KCNN2: variants seen among roughly 807,000 people sequenced by gnomAD.
The protein encoded by KCNN2 is potassium calcium-activated channel subfamily N member 2, also known as small conductance calcium-activated potassium channel protein 2.
In KCNN2, 24 loss-of-function variants were observed where a neutral mutation model predicts 55.5. That is an observed-to-expected ratio of 0.43 (90% CI 0.31 to 0.61). KCNN2 has a LOEUF of 0.61. Among genes scored for constraint, KCNN2 ranks in the 20% least tolerant of loss-of-function variants. The pLI is 0.08. For synonymous variants in KCNN2, 431 were observed against 336.1 expected (o/e 1.28, Z -3.09); for missense variants, 754 against 853.6 (o/e 0.88, Z 1.45).
Position 114,362,856 on chromosome 5 carries a change from G to A in KCNN2, c.717G>A (p.Met239Ile). The A allele has an allele frequency of 6.3e-7, 1 of 1,599,994 alleles. No individual in the cohort carries two copies. Among genetic ancestry groups the A allele is most frequent in the Non-Finnish European group, 8.5e-7 (1 of 1,178,882 alleles). ...LSASRRNLHE[M>I]DSEAQPLQPP... ...CGTCCCGCCGGAACCTGCACGAGAT[G>A]GACTCAGAGGCGCAGCCCCTGCAGC... Residue 239 changes from methionine (M) to isoleucine (I), a missense_variant, in exon 1 of 8, where the codon ATG becomes ATA. Coordinates refer to ENST00000673685, the MANE Select transcript of KCNN2 (RefSeq NM_021614.4).
intron 3 of KCNN2, among the ~76,000 whole-genome samples, chr5:114,413,156 A>G (rs1759187710): frequency 6.6e-6 from 1 of 152,268 alleles, no homozygotes; most frequent in South Asian, 2.1e-4. Context: ...CATCAATGCT[A>G]AGTATAATGT....
intron 1 of KCNN2, among the ~76,000 whole-genome samples, chr5:114,153,340 T>A (rs1018716452): frequency 3.9e-5 from 6 of 152,162 alleles, no homozygotes; most frequent in Non-Finnish European, 8.8e-5. Context: ...CTCCATGGAA[T>A]AATCAACATA....
chr5:114,111,056 C>A (rs115348218), intron 1 of KCNN2, among the ~76,000 whole-genome samples: 7,002 of 152,042 alleles, frequency 0.046, 532 homozygotes, highest in African/African-American at 0.16. Flanking sequence ...ATCTGGAAGC[C>A]TCGTGCTACC....
intron 2 of KCNN2, among the ~76,000 whole-genome samples, chr5:114,345,551 T>C (rs917135074): frequency 1.4e-4 from 22 of 152,100 alleles, no homozygotes; most frequent in African/African-American, 5.3e-4. Context: ...GCTAGCTGCA[T>C]TACAGATAAG....
At chr5:114,492,696 G>T (rs1747918892) in intron 6 of KCNN2, among the ~76,000 whole-genome samples, 2 of 151,980 alleles carry the variant, frequency 1.3e-5, no homozygotes. Context: ...TACAAGTAGA[G>T]ATTCCATCTG....
intron 1 of KCNN2, among the ~76,000 whole-genome samples, chr5:114,103,037 A>C (rs1234054941): frequency 3.3e-5 from 5 of 152,202 alleles, no homozygotes; most frequent in Non-Finnish European, 7.4e-5. Flanking sequence ...CAGTATGGCC[A>C]TTTTCACGAT....
chr5:114,315,832 T>C (rs1756490109), intron 2 of KCNN2, among the ~76,000 whole-genome samples: 1 of 152,140 alleles, frequency 6.6e-6, no homozygotes, highest in African/African-American at 2.4e-5. Context: ...GGGTCCTTGA[T>C]AGAGAAGCCT....
chr5:114,485,045 G>C (rs190130834), intron 5 of KCNN2, among the ~76,000 whole-genome samples: 1 of 152,178 alleles, frequency 6.6e-6, no homozygotes, highest in Non-Finnish European at 1.5e-5. Context: ...CATTTAAAAT[G>C]CATCGGTCAC....
chr5:114,295,986 G>T (rs758540938), intron 2 of KCNN2, among the ~76,000 whole-genome samples: 8 of 152,180 alleles, frequency 5.3e-5, no homozygotes, highest in Non-Finnish European at 1.0e-4. Context: ...GCTGGTAATA[G>T]TCATAAGTAC....
chr5:114,233,715 A>C (rs1374988810), intron 2 of KCNN2, among the ~76,000 whole-genome samples: 4 of 152,214 alleles, frequency 2.6e-5, no homozygotes. Context: ...TTAATCAATT[A>C]AGATTAACCA....
rs564318660 is a variant in KCNN2, at chr5:114,115,936, C to T, written c.-271+59436C>T. Among the ~76,000 whole-genome samples, 7 of 152,198 alleles carry T rather than the reference C, an allele frequency of 4.6e-5. No homozygotes were observed. The East Asian group carries it at 1.2e-3, about 25-fold the overall frequency. ...TTTTGGAATCAGGATGCAAAGACAG[C>T]TGGCATACATGTAGATGAGAATGGG... On this transcript the variant is annotated intron_variant, in intron 1 of 10. Transcript: ENST00000512097.
chr5:114,396,138 A>G (rs1758606361), intron 2 of KCNN2, among the ~76,000 whole-genome samples: 1 of 147,400 alleles, frequency 6.8e-6, no homozygotes, highest in East Asian at 2.3e-4. Flanking sequence ...TAGAAACACA[A>G]TAGCCATGTT....
intron 1 of KCNN2, among the ~76,000 whole-genome samples, chr5:114,069,409 G>A (rs1320997370): frequency 6.6e-6 from 1 of 152,120 alleles, no homozygotes; most frequent in Non-Finnish European, 1.5e-5. Flanking sequence ...AAAGGCACTT[G>A]TGCCAGCAAC....
chr5:114,234,120 A>G (rs1214993973), intron 2 of KCNN2, among the ~76,000 whole-genome samples: 1 of 151,942 alleles, frequency 6.6e-6, no homozygotes, highest in Non-Finnish European at 1.5e-5. Context: ...TTTCATAGCA[A>G]CCATATTGTT....
At chr5:114,079,426 A>G (rs1222645760) in intron 1 of KCNN2, among the ~76,000 whole-genome samples, 2 of 152,206 alleles carry the variant, frequency 1.3e-5, no homozygotes, top group East Asian at 3.9e-4. Flanking sequence ...TTCTTAATTA[A>G]GCAACATAGC....
chr5:114,190,804 G>A (rs77377759), intron 1 of KCNN2, among the ~76,000 whole-genome samples: 59 of 152,226 alleles, frequency 3.9e-4, no homozygotes, highest in Admixed American at 9.8e-4. Flanking sequence ...CATTTGTACC[G>A]AAGACCAAGA....
chr5:114,229,198 A>G (rs1196507004), intron 2 of KCNN2, among the ~76,000 whole-genome samples: 3 of 151,820 alleles, frequency 2.0e-5, no homozygotes, highest in African/African-American at 7.2e-5. Flanking sequence ...GTCATATGAT[A>G]ATGATTTCTT....
chr5:114,362,423 C>A lies in KCNN2; in HGVS notation c.284C>A (p.Pro95His). 2.9e-6 allele frequency: 1 copy of A among 346,746 alleles called. No individual in the cohort carries two copies. The highest frequency in any genetic ancestry group is 5.6e-5 in the South Asian group (1 of 18,016). The allele number at this position is 346,746 out of a possible 1,614,324, so 21.5% of individuals were successfully genotyped here. The change falls in exon 1 of 8, where the codon CCC becomes CAC. Residue 95 changes from proline to histidine, a missense_variant. Physicochemically the swap from Pro to His is moderately conservative, Grantham distance 77. Around this residue, in one of 4 missense-constraint regions of KCNN2, gnomAD observed 381 missense variants for 259.1 expected, o/e 1.47. Coordinates refer to ENST00000673685, the MANE Select transcript of KCNN2 (RefSeq NM_021614.4). ...TCCCTGCTGCTCCGCACCTCCTCGCCCGGCGGCGCCTTCCGGACCCGCACC... is the reference window on the plus strand; with the variant it reads ...TCCCTGCTGCTCCGCACCTCCTCGCACGGCGGCGCCTTCCGGACCCGCACC... ...NLSLLLRTSS[P>H]GGAFRTRTSS...
intron 1 of KCNN2, among the ~76,000 whole-genome samples, chr5:114,078,371 T>G (rs566984138): frequency 6.6e-6 from 1 of 152,336 alleles, no homozygotes; most frequent in African/African-American, 2.4e-5. Flanking sequence ...GCTTTGTTTC[T>G]TGGCTTGATT....
Sources: gnomAD v4.1 joint callset for allele counts (sites outside exome capture counted in the v4.1 genomes callset) on GRCh38, gnomAD v4.1.1 for gene constraint, gnomAD v4.1.1 regional missense constraint, MANE v1.5 for transcripts, NCBI Gene and HGNC (gene_info 2026-07-23, HGNC 2026-07-21) for gene names.